The following TAOK3 variants were observed in gnomAD, a reference collection of about 807,000 sequenced individuals.
TAOK3 encodes the protein serine/threonine-protein kinase TAO3.
A neutral mutation model predicts 120.4 loss-of-function variants in TAOK3; 40 were observed. That is an observed-to-expected ratio of 0.33 (90% CI 0.26 to 0.43). The LOEUF is 0.43. TAOK3 is among the 20% of genes least tolerant of loss of function. TAOK3 has a pLI of 1.00. For synonymous variants in TAOK3, 355 were observed against 387.5 expected (o/e 0.92, Z 0.99); for missense variants, 821 against 1,112.1 (o/e 0.74, Z 3.72).
At chr12:118,368,487 C>G (rs138621223) in intron 1 of TAOK3, among the ~76,000 whole-genome samples, 2 of 149,350 alleles carry the variant, frequency 1.3e-5, no homozygotes, top group African/African-American at 4.9e-5. Flanking sequence ...CGTGAGCCAC[C>G]GCGCCCGGCC....
intron 9 of TAOK3, 116 bp from the exon 10 acceptor site, chr12:118,214,226 T>C: frequency 2.7e-6 from 2 of 731,790 alleles, no homozygotes; most frequent in East Asian, 2.9e-5. Flanking sequence ...ACTGTCATCA[T>C]GCCACATAAT....
intron 13 of TAOK3, among the ~76,000 whole-genome samples, chr12:118,195,547 T>C (rs2037672020): frequency 6.6e-6 from 1 of 152,118 alleles, no homozygotes; most frequent in Admixed American, 6.5e-5. Context: ...TCACAGAACA[T>C]TTGTTGAGCG....
intron 9 of TAOK3, among the ~76,000 whole-genome samples, chr12:118,214,944 C>A (rs947095360): frequency 6.6e-6 from 1 of 151,646 alleles, no homozygotes; most frequent in African/African-American, 2.4e-5. Flanking sequence ...GGGGTTTCTC[C>A]ACGTTGGTCA....
intron 1 of TAOK3, among the ~76,000 whole-genome samples, chr12:118,360,284 A>G (rs2045550147): frequency 7.8e-6 from 1 of 128,502 alleles, no homozygotes. Flanking sequence ...AAAAAAAAGT[A>G]TGGCCGGGCA....
At chr12:118,306,368 G>C (rs926943038) in intron 1 of TAOK3, among the ~76,000 whole-genome samples, 1 of 151,744 alleles carries the variant, frequency 6.6e-6, no homozygotes, top group Non-Finnish European at 1.5e-5. Context: ...AATTTAGATA[G>C]GGTCTCACTA....
intron 14 of TAOK3, among the ~76,000 whole-genome samples, chr12:118,184,398 A>G (rs577373031): frequency 2.0e-5 from 3 of 152,342 alleles, no homozygotes; most frequent in African/African-American, 7.2e-5. Context: ...TCTTAAGTGT[A>G]CACTATGAGT....
At chr12:118,186,348 G>A (rs1393223286) in intron 14 of TAOK3, among the ~76,000 whole-genome samples, 1 of 152,138 alleles carries the variant, frequency 6.6e-6, no homozygotes, top group Admixed American at 6.5e-5. Flanking sequence ...AAAACCAAAA[G>A]CTGAACTCTG....
chr12:118,233,677 A>G lies in TAOK3; in HGVS notation c.640T>C (p.Leu214=), dbSNP rs747832019. 4.2e-5 allele frequency: 67 copies of G among 1,603,440 alleles called. No individual in the cohort carries two copies. Among genetic ancestry groups the G allele is most frequent in the African/African-American group, 5.4e-5 (4 of 74,560 alleles). ...AAACAAATAACTCTTTACTCACCCA[A>G]TTCAATACAAGTGATGCCAAGTGAC... is the stretch of plus-strand genomic sequence containing the variant. The part of the protein sequence containing the change: ...IWSLGITCIE[L]AERKPPLFNM... Residue 214 remains leucine, a synonymous_variant, in exon 9 of 21, where the codon TTG becomes CTG. Transcript: ENST00000392533.
At chr12:118,254,322 C>G (rs772086491) in intron 3 of TAOK3, among the ~76,000 whole-genome samples, 1 of 152,146 alleles carries the variant, frequency 6.6e-6, no homozygotes, top group Non-Finnish European at 1.5e-5. Flanking sequence ...ATCCATCCAT[C>G]CATCCATCCA....
intron 1 of TAOK3, among the ~76,000 whole-genome samples, chr12:118,273,892 C>T (rs938102677): frequency 3.3e-5 from 5 of 152,128 alleles, no homozygotes; most frequent in Non-Finnish European, 7.3e-5. Context: ...CTCTGAAACA[C>T]GCTTCACAGT....
At chr12:118,328,464 A>C (rs943503140) in intron 1 of TAOK3, among the ~76,000 whole-genome samples, 1 of 152,206 alleles carries the variant, frequency 6.6e-6, no homozygotes, top group African/African-American at 2.4e-5. Flanking sequence ...TATAGAACAA[A>C]TGTATTAAAG....
At chr12:118,183,957 T>C (rs777820831) in intron 14 of TAOK3, among the ~76,000 whole-genome samples, 5 of 152,152 alleles carry the variant, frequency 3.3e-5, no homozygotes, top group Non-Finnish European at 1.5e-5. Context: ...AAAAGGGAAA[T>C]GAGTTGTGTC....
intron 13 of TAOK3, among the ~76,000 whole-genome samples, chr12:118,198,037 G>C (rs2037821604): frequency 6.6e-6 from 1 of 152,062 alleles, no homozygotes; most frequent in African/African-American, 2.4e-5. Flanking sequence ...CTGATCTCTT[G>C]GTAGATTTCT....
chr12:118,196,091 AAAT>A (rs2037714280), intron 13 of TAOK3, among the ~76,000 whole-genome samples: 6 of 144,352 alleles, frequency 4.2e-5, no homozygotes, highest in African/African-American at 1.5e-4. Context: ...ATAAATAAAT[AAAT>A]AAAAGGAAGT....
rs1464692920 is a variant in TAOK3 at position 118,150,700 on chromosome 12, A to C, written c.*297T>G. The C allele has an allele frequency of 4.0e-6, 1 of 250,988 alleles. No individual in the cohort carries two copies. Among genetic ancestry groups the C allele is most frequent in the Non-Finnish European group, 7.6e-6 (1 of 131,798 alleles). The allele number at this position is 250,988 out of a possible 1,614,324, so 15.5% of individuals were successfully genotyped here. On this transcript the variant is annotated 3_prime_UTR_variant, in exon 21 of 21. Coordinates refer to ENST00000392533, the MANE Select transcript of TAOK3 (RefSeq NM_016281.4). ...TTGTTGGTTTATTGGTTTTGTTAAAACTGTCTCCAAAGTTTTCACTGAAAC... is the reference window on the plus strand; with the variant it reads ...TTGTTGGTTTATTGGTTTTGTTAAACCTGTCTCCAAAGTTTTCACTGAAAC...
chr12:118,344,255 CTTGA>C (rs1349706526), intron 1 of TAOK3, among the ~76,000 whole-genome samples: 1 of 149,844 alleles, frequency 6.7e-6, no homozygotes, highest in Non-Finnish European at 1.5e-5. Flanking sequence ...GATTCAAGCT[CTTGA>C]TTATTTTAAA....
chr12:118,360,096 T>C (rs1381954890), intron 1 of TAOK3, among the ~76,000 whole-genome samples: 1 of 150,514 alleles, frequency 6.6e-6, no homozygotes, highest in Non-Finnish European at 1.5e-5. Context: ...TGAAACCCAG[T>C]CTCTACTAAA....
chr12:118,160,249 T>C lies in TAOK3; in HGVS notation c.2249A>G (p.His750Arg). The part of the protein sequence containing the change: ...HQLEVTPKNE[H>R]KTILKTLKDE... ...TTTCAGTGTCTTTAAGATTGTTTTG[T>C]GCTCATTCTTTGGAGTAACTTCCAA... Residue 750 changes from histidine to arginine, a missense_variant, in exon 19 of 21, where the codon CAC (histidine) becomes CGC (arginine). By Grantham distance (29) the His-to-Arg change is conservative. This residue lies in a region of TAOK3 where 354 missense variants were observed against 572.1 expected (regional missense o/e 0.62). Transcript: ENST00000392533. This position sits in a 1 kb window ranked among gnomAD's most constrained non-coding sequence, Gnocchi z 4.2. 6.2e-7 allele frequency: 1 copy of C among 1,614,254 alleles called. No homozygotes were observed. The highest frequency in any genetic ancestry group is 8.5e-7 in the Non-Finnish European group (1 of 1,180,032).
intron 14 of TAOK3, among the ~76,000 whole-genome samples, chr12:118,188,982 G>T (rs1476170272): frequency 8.5e-5 from 13 of 152,232 alleles, no homozygotes; most frequent in African/African-American, 3.1e-4. Context: ...GGGCCGAGGG[G>T]AGGAGGCATG....
Sources: gnomAD v4.1 joint callset for allele counts (sites outside exome capture counted in the v4.1 genomes callset) on GRCh38, gnomAD v4.1.1 for gene constraint, gnomAD v4.1.1 regional missense constraint, Gnocchi (gnomAD v3.1) non-coding constraint, MANE v1.5 for transcripts, NCBI Gene and HGNC (gene_info 2026-07-23, HGNC 2026-07-21) for gene names.